B3GNT3: variants seen among roughly 807,000 people sequenced by gnomAD.
B3GNT3 encodes N-acetyllactosaminide beta-1,3-N-acetylglucosaminyltransferase 3.
A neutral mutation model predicts 11.6 loss-of-function variants in B3GNT3; 7 were observed. The observed-to-expected ratio is 0.60, with a 90% CI of 0.34 to 1.13. The LOEUF (loss-of-function observed/expected upper bound fraction) is 1.13, where lower values mean the gene tolerates loss of function less well. Ranked by LOEUF, B3GNT3 falls within the 50% of genes most tolerant of loss-of-function variation. The probability of loss-of-function intolerance (pLI) is 0.03; values close to 1 mark genes in which losing one functional copy is unlikely to be tolerated. For synonymous variants in B3GNT3, 201 were observed against 222.1 expected (o/e 0.90, Z 0.85); for missense variants, 400 against 507.4 (o/e 0.79, Z 2.03).
Position 17,808,155 on chromosome 19 carries a change from C to CAGGTGAT in B3GNT3, c.348_349insAGGTGAT (p.Pro117ArgfsTer2). On this transcript the variant is annotated stop_gained and frameshift_variant, in exon 2 of 3. Transcript: ENST00000318683. LOFTEE classifies it high-confidence loss of function. ...TCCTGCTGCTGGTGATCAAGTCCTCCCCTAGCAACTATGTGCGCCGCGAGC... is the reference window on the plus strand; with the variant it reads ...TCCTGCTGCTGGTGATCAAGTCCTCCAGGTGATCCTAGCAACTATGTGCGCCGCGAGC... 2 of 1,612,520 alleles carry CAGGTGAT rather than the reference C, an allele frequency of 1.2e-6. No individual in the cohort carries two copies. The highest frequency in any genetic ancestry group is 2.2e-5 in the South Asian group (2 of 91,004).
At chr19:17,803,240 A>G (rs961502567) in intron 1 of B3GNT3, among the ~76,000 whole-genome samples, 6 of 152,130 alleles carry the variant, frequency 3.9e-5, no homozygotes, top group African/African-American at 1.4e-4. Flanking sequence ...TCCTGACCTC[A>G]GGTGATCTGC....
At chr19:17,799,997 A>T (rs2094164147) in intron 1 of B3GNT3, among the ~76,000 whole-genome samples, 1 of 152,070 alleles carries the variant, frequency 6.6e-6, no homozygotes, top group Non-Finnish European at 1.5e-5. Context: ...CTTGGGAGTG[A>T]GGGGGGCAGA....
At chr19:17,809,156 C>T (rs1199208950) in intron 2 of B3GNT3, among the ~76,000 whole-genome samples, 1 of 151,664 alleles carries the variant, frequency 6.6e-6, no homozygotes, top group Non-Finnish European at 1.5e-5. Flanking sequence ...TTTATTTGTT[C>T]CGGTTCTGTC....
Position 17,812,253 on chromosome 19 carries a change from T to A in B3GNT3, c.*131T>A. On this transcript the variant is annotated 3_prime_UTR_variant, in exon 3 of 3. Coordinates refer to ENST00000318683, the MANE Select transcript of B3GNT3 (RefSeq NM_014256.4). ...CAGGGAAGGTTTGAGGTTTGATGAG[T>A]GAATATTCTGGCTGGCGAACTCCTA... 1 of 1,031,804 alleles carries A rather than the reference T, an allele frequency of 9.7e-7. No individual in the cohort carries two copies. The highest frequency in any genetic ancestry group is 1.4e-6 in the Non-Finnish European group (1 of 731,966). The allele number at this position is 1,031,804 out of a possible 1,614,324, so 63.9% of individuals were successfully genotyped here. A position where few individuals can be genotyped will look rare whatever the true frequency, so the allele number is the denominator to read the frequency against.
Position 17,805,952 on chromosome 19 carries a change from C to T in B3GNT3, c.-50-1806C>T, listed in dbSNP as rs566473867. Among the ~76,000 whole-genome samples, 7 of 151,924 alleles carry T rather than the reference C, an allele frequency of 4.6e-5. No individual in the cohort carries two copies. The East Asian group carries it at 1.4e-3, about 29-fold the overall frequency. Reference sequence around the variant, plus strand: ...AACTGAGACCTCAAGCACATGCTACCACAGCCTGCTAATTTTTTGTTTTGT... The same window carrying T: ...AACTGAGACCTCAAGCACATGCTACTACAGCCTGCTAATTTTTTGTTTTGT... On this transcript the variant is annotated intron_variant, in intron 1 of 2. Coordinates refer to ENST00000318683, the MANE Select transcript of B3GNT3 (RefSeq NM_014256.4).
At chr19:17,799,962 C>T (rs959700529) in intron 1 of B3GNT3, among the ~76,000 whole-genome samples, 1 of 152,098 alleles carries the variant, frequency 6.6e-6, no homozygotes, top group African/African-American at 2.4e-5. Flanking sequence ...GTGCCACTCC[C>T]CATCACCTGT....
chr19:17,795,554 T>C (rs1056340288), intron 1 of B3GNT3, among the ~76,000 whole-genome samples: 9 of 152,198 alleles, frequency 5.9e-5, no homozygotes, highest in Admixed American at 5.2e-4. Flanking sequence ...GTTGAGATTA[T>C]TGGCCCCTTG....
At chr19:17,795,429 A>T (rs981145361) in intron 1 of B3GNT3, among the ~76,000 whole-genome samples, 2 of 152,140 alleles carry the variant, frequency 1.3e-5, no homozygotes, top group Non-Finnish European at 2.9e-5. Context: ...TCGGGGAGGA[A>T]GCCTCCCCCA....
rs756015682 is a variant in B3GNT3 at position 17,811,706 on chromosome 19, G to A, written c.703G>A (p.Val235Met). ...QDHDPGRHLF[V>M]GQLIQNVGPI... The stretch of plus-strand genomic sequence containing the variant: ...CCATGACCCTGGCCGCCACCTCTTC[G>A]TGGGGCAACTGATCCAAAACGTGGG... The change falls in exon 3 of 3, where the codon GTG becomes ATG. Residue 235 changes from valine to methionine, a missense_variant. Val to Met is a conservative substitution (Grantham distance 21). Transcript: ENST00000318683. The surrounding 1 kb of genome is among the most constrained non-coding windows in gnomAD (Gnocchi z 4.1). 25 of 1,614,092 alleles carry A rather than the reference G, an allele frequency of 1.5e-5. No homozygotes were observed. Among genetic ancestry groups the A allele is most frequent in the African/African-American group, 1.1e-4 (8 of 74,934 alleles).
chr19:17,800,026 C>T (rs1568389733), intron 1 of B3GNT3, among the ~76,000 whole-genome samples: 1 of 152,046 alleles, frequency 6.6e-6, no homozygotes, highest in Admixed American at 6.6e-5. Flanking sequence ...CAGGTGGTAC[C>T]AGCAGGGTCC....
In B3GNT3 at chr19:17,813,565, A is replaced by T. The variant is rs2094183926; in HGVS notation, c.*1443A>T. Among the ~76,000 whole-genome samples the T allele has an allele frequency of 6.6e-6, 1 of 151,036 alleles. No homozygotes were observed. Among genetic ancestry groups the T allele is most frequent in the Admixed American group, 6.6e-5 (1 of 15,094 alleles). ...CATAGCTCCTTATTGCTTTCAGCTC[A>T]TAACCCCACATATCCCCACAGACAG... On this transcript the variant is annotated 3_prime_UTR_variant, in exon 3 of 3. Transcript: ENST00000318683.
At position 17,808,276 on chromosome 19, in the gene B3GNT3, C is replaced by G. The variant is rs372505497; in HGVS notation, c.469C>G (p.Arg157Gly). Residue 157 changes from arginine to glycine, a missense_variant, in exon 2 of 3, where the codon CGC (arginine) becomes GGC (glycine). Coordinates refer to ENST00000318683, the MANE Select transcript of B3GNT3 (RefSeq NM_014256.4). Reference protein sequence around the residue: ...VGTASNPHEARKVNRLLELEA... With the variant: ...VGTASNPHEAGKVNRLLELEA... ...CACAGCCTCCAACCCGCACGAGGCC[C>G]GCAAGGTCAACCGGCTGCTGGAGCT... 7.4e-6 allele frequency: 12 copies of G among 1,613,422 alleles called. No individual in the cohort carries two copies. The African/African-American group carries it at 1.3e-4, about 18-fold the overall frequency.
chr19:17,802,898 C>G (rs563370396), intron 1 of B3GNT3, among the ~76,000 whole-genome samples: 1 of 151,844 alleles, frequency 6.6e-6, no homozygotes, highest in East Asian at 1.9e-4. Context: ...CTTTTTTGCC[C>G]AGGCTGGTCT....
At position 17,811,611 on chromosome 19, in the gene B3GNT3, C is replaced by T; in HGVS notation, c.608C>T (p.Ala203Val). The T allele has an allele frequency of 1.2e-6, 2 of 1,613,846 alleles. No homozygotes were observed. Among genetic ancestry groups the T allele is most frequent in the African/African-American group, 1.3e-5 (1 of 75,062 alleles). Residue 203 changes from alanine (A) to valine (V), a missense_variant, in exon 3 of 3, where the codon GCC becomes GTC. Ala to Val is a moderately conservative substitution (Grantham distance 64, BLOSUM62 0). Transcript: ENST00000318683. This position sits in a 1 kb window ranked among gnomAD's most constrained non-coding sequence, Gnocchi z 4.1. ...LQWQETRCAN[A>V]SFVLNGDDDV... is the part of the protein sequence containing the mutation. ...TGGCAGGAGACAAGGTGCGCCAACG[C>T]CAGCTTCGTGCTCAACGGGGATGAT...
intron 1 of B3GNT3, among the ~76,000 whole-genome samples, chr19:17,796,417 T>C (rs1464398442): frequency 6.7e-6 from 1 of 149,056 alleles, no homozygotes; most frequent in Non-Finnish European, 1.5e-5. Context: ...TGGACACTTC[T>C]CAAGAGGAAA....
chr19:17,804,217 T>C (rs930245786), intron 1 of B3GNT3, among the ~76,000 whole-genome samples: 10 of 151,126 alleles, frequency 6.6e-5, no homozygotes, highest in Admixed American at 2.6e-4. Flanking sequence ...CTTTTTTTTT[T>C]CTTTTCTTTC....
At chr19:17,806,651 C>T (rs1301124908) in intron 1 of B3GNT3, among the ~76,000 whole-genome samples, 1 of 152,080 alleles carries the variant, frequency 6.6e-6, no homozygotes, top group Non-Finnish European at 1.5e-5. Flanking sequence ...GCATACTGCA[C>T]CCATCAAAGT....
At chr19:17,802,049 T>TA (rs2094166921) in intron 1 of B3GNT3, among the ~76,000 whole-genome samples, 1 of 151,550 alleles carries the variant, frequency 6.6e-6, no homozygotes. Context: ...GATCATGCCA[T>TA]TGCACTCCAG....
At chr19:17,805,894 C>T (rs551867069) in intron 1 of B3GNT3, among the ~76,000 whole-genome samples, 3 of 151,348 alleles carry the variant, frequency 2.0e-5, no homozygotes, top group African/African-American at 4.9e-5. Context: ...AACTCCTGGG[C>T]TCAGGTGGTC....
Sources: allele counts gnomAD v4.1 joint callset (sites outside exome capture counted in the v4.1 genomes callset), GRCh38; gene constraint gnomAD v4.1.1; non-coding constraint Gnocchi (gnomAD v3.1); transcripts MANE v1.5; gene names NCBI Gene and HGNC (gene_info 2026-07-23, HGNC 2026-07-21).